The following DPT variants were observed in gnomAD, a reference collection of about 807,000 sequenced individuals.
DPT encodes tyrosine-rich acidic matrix protein.
A neutral mutation model predicts 31.2 loss-of-function variants in DPT; 21 were observed. The observed-to-expected ratio is 0.67, with a 90% CI of 0.48 to 0.97. The LOEUF is 0.97. DPT is among the 50% of genes least tolerant of loss of function. DPT has a pLI of 0.00. For synonymous variants in DPT, 91 were observed against 86.9 expected, an observed-to-expected ratio of 1.05 and a Z score of -0.26; for missense variants, 262 against 258.8, an observed-to-expected ratio of 1.01 and a Z score of -0.08.
intron 1 of DPT, among the ~76,000 whole-genome samples, chr1:168,719,622 G>A (rs145066341): frequency 6.6e-6 from 1 of 151,992 alleles, no homozygotes; most frequent in Non-Finnish European, 1.5e-5. Context: ...GGGAGTTTCA[G>A]GCCCCTTCAT....
chr1:168,717,156 T>G (rs1572630848), intron 1 of DPT, among the ~76,000 whole-genome samples: 1 of 152,360 alleles, frequency 6.6e-6, no homozygotes, highest in East Asian at 1.9e-4. Context: ...GTTGAACTAA[T>G]TTACATTCCG....
chr1:168,713,483 A>G (rs1649910387), intron 2 of DPT, among the ~76,000 whole-genome samples: 1 of 152,166 alleles, frequency 6.6e-6, no homozygotes, highest in Admixed American at 6.5e-5. Context: ...ACATGTTGAC[A>G]CTTCTGGATC....
At chr1:168,715,188 T>C (rs1424828015) in intron 1 of DPT, among the ~76,000 whole-genome samples, 2 of 152,228 alleles carry the variant, frequency 1.3e-5, no homozygotes, top group Non-Finnish European at 2.9e-5. Context: ...TAATTTTTGC[T>C]CTTTCATTCT....
At chr1:168,710,768 T>G (rs1572628340) in intron 2 of DPT, among the ~76,000 whole-genome samples, 1 of 152,006 alleles carries the variant, frequency 6.6e-6, no homozygotes, top group African/African-American at 2.4e-5. Context: ...CCACTGGAAA[T>G]CTGGGGCATC....
chr1:168,699,117 T>C (rs970891097), intron 3 of DPT, among the ~76,000 whole-genome samples: 1 of 152,198 alleles, frequency 6.6e-6, no homozygotes, highest in Non-Finnish European at 1.5e-5. Flanking sequence ...GATATATTTA[T>C]TTCATACTAA....
intron 1 of DPT, among the ~76,000 whole-genome samples, chr1:168,727,860 C>T (rs1480654953): frequency 1.3e-5 from 2 of 152,070 alleles, no homozygotes; most frequent in African/African-American, 4.8e-5. Context: ...TTGACCCCTC[C>T]AATCCCCACT....
At chr1:168,704,516 C>T (rs1649674862) in intron 2 of DPT, among the ~76,000 whole-genome samples, 1 of 152,238 alleles carries the variant, frequency 6.6e-6, no homozygotes, top group Non-Finnish European at 1.5e-5. Flanking sequence ...CACTGCACTC[C>T]AGCCCGGGCG....
At chr1:168,706,743 G>T (rs57211653) in intron 2 of DPT, among the ~76,000 whole-genome samples, 1 of 152,210 alleles carries the variant, frequency 6.6e-6, no homozygotes, top group African/African-American at 2.4e-5. Context: ...GGGAATAACA[G>T]TTCCAGGGAT....
rs376513427 is a variant in DPT, at chr1:168,728,617, G to A, written c.305+253C>T. Among the ~76,000 whole-genome samples, 5 of 152,250 alleles carry A rather than the reference G, an allele frequency of 3.3e-5. No individual in the cohort carries two copies. The South Asian group carries it at 1.0e-3, about 32-fold the overall frequency. Reference sequence around the variant, plus strand: ...CCCTGGCCCAAACTGAGAGTAGGTAGAACAGCTTCTGGAAGGAACAGAGCC... The same window carrying A: ...CCCTGGCCCAAACTGAGAGTAGGTAAAACAGCTTCTGGAAGGAACAGAGCC... On this transcript the variant is annotated intron_variant, in intron 1 of 3. Transcript: ENST00000367817.
chr1:168,698,210 G>A (rs1332179716), intron 3 of DPT, among the ~76,000 whole-genome samples: 3 of 152,132 alleles, frequency 2.0e-5, no homozygotes, highest in Non-Finnish European at 4.4e-5. Flanking sequence ...TTCTAATTCT[G>A]AGTCTGTTGC....
intron 2 of DPT, among the ~76,000 whole-genome samples, chr1:168,710,666 G>A (rs1487790837): frequency 6.6e-6 from 1 of 152,032 alleles, no homozygotes; most frequent in African/African-American, 2.4e-5. Flanking sequence ...TGCATCTAAG[G>A]GAGCTTGAGA....
intron 1 of DPT, 96 bp from the exon 2 acceptor site, chr1:168,714,442 A>G: frequency 6.9e-7 from 1 of 1,440,328 alleles, no homozygotes; most frequent in Non-Finnish European, 9.5e-7. Flanking sequence ...TCTTTCTCTG[A>G]CCTAGATTCT....
intron 2 of DPT, 119 bp from the exon 3 acceptor site, chr1:168,701,243 A>G: frequency 1.3e-6 from 1 of 772,968 alleles, no homozygotes; most frequent in Non-Finnish European, 2.2e-6. Flanking sequence ...TCCAGACTGA[A>G]GTTAAATGAC....
chr1:168,728,744 T>G, intron 1 of DPT, 126 bp downstream of exon 1: 40 of 1,172,144 alleles, frequency 3.4e-5, no homozygotes, highest in Non-Finnish European at 4.3e-5. Context: ...CATGCAGTGG[T>G]GAGGTTTGGG....
At chr1:168,711,610 A>G (rs2101905196) in intron 2 of DPT, among the ~76,000 whole-genome samples, 1 of 152,346 alleles carries the variant, frequency 6.6e-6, no homozygotes, top group South Asian at 2.1e-4. Context: ...GTTCCTCTGC[A>G]TAACCAACCC....
rs1649928935 is a variant in DPT at position 168,714,222 on chromosome 1, A to G, written c.430T>C (p.Trp144Arg). The G allele has an allele frequency of 1.9e-6, 3 of 1,614,086 alleles. No homozygotes were observed. Among genetic ancestry groups the G allele is most frequent in the Non-Finnish European group, 2.5e-6 (3 of 1,179,988 alleles). Residue 144 changes from tryptophan (W) to arginine (R), a missense_variant and splice_region_variant, in exon 2 of 4, where the codon TGG (tryptophan) becomes CGG (arginine). Physicochemically the swap from Trp to Arg is moderately radical, Grantham distance 101. Transcript: ENST00000367817. ...GGTTTGGTCGGCTGCCAGACTCACC[A>G]GCAGGAATATGGGCACCTCTTGCTG... is the stretch of plus-strand genomic sequence containing the variant. ...RYSKRCPYSC[W>R]LTTEYPGHYG...
In DPT at chr1:168,718,257, C is replaced by T. The variant is rs376916354; in HGVS notation, c.306-3911G>A. Among the ~76,000 whole-genome samples the T allele has an allele frequency of 2.0e-5, 3 of 152,306 alleles. No individual in the cohort carries two copies. In the East Asian group the frequency reaches 5.8e-4, roughly 29 times the overall value. ...TAAAAATAAATGTAGGAAGATAAGC[C>T]GAACTGTTTCATGGAGTACCAGTTC... is the stretch of plus-strand genomic sequence containing the variant. On this transcript the variant is annotated intron_variant, in intron 1 of 3. Coordinates refer to ENST00000367817, the MANE Select transcript of DPT (RefSeq NM_001937.5).
intron 2 of DPT, among the ~76,000 whole-genome samples, 159 bp downstream of exon 2, chr1:168,714,059 TGGC>T (rs1333124606): frequency 1.3e-5 from 2 of 152,202 alleles, no homozygotes; most frequent in Non-Finnish European, 2.9e-5. Flanking sequence ...AGATCCCTCT[TGGC>T]GGGAACATCC....
intron 2 of DPT, among the ~76,000 whole-genome samples, chr1:168,702,454 A>G (rs921208276): frequency 6.6e-6 from 1 of 152,138 alleles, no homozygotes; most frequent in Non-Finnish European, 1.5e-5. Flanking sequence ...CCTAAGACGT[A>G]ATTATGCTCT....
Sources: gnomAD v4.1 joint callset for allele counts (sites outside exome capture counted in the v4.1 genomes callset) on GRCh38, gnomAD v4.1.1 for gene constraint, MANE v1.5 for transcripts, NCBI Gene and HGNC (gene_info 2026-07-23, HGNC 2026-07-21) for gene names.